The following SYT1 variants were observed in gnomAD, a reference collection of about 807,000 sequenced individuals.
The protein encoded by SYT1 is synaptotagmin-1.
Under a neutral mutation model 44.8 loss-of-function variants are expected in SYT1, and 8 were observed. That is an observed-to-expected ratio of 0.18 (90% CI 0.10 to 0.32). SYT1 has a LOEUF of 0.32. Ranked by LOEUF, SYT1 falls within the 10% of genes least tolerant of loss-of-function variation. The probability of loss-of-function intolerance (pLI) is 1.00; values close to 1 mark genes in which losing one functional copy is unlikely to be tolerated. For missense variants in SYT1, 286 were observed against 509.3 expected (o/e 0.56, Z 4.22); for synonymous variants, 154 against 188.8 (o/e 0.82, Z 1.51).
At chr12:79,164,398 A>T (rs1019296489) in intron 3 of SYT1, among the ~76,000 whole-genome samples, 1 of 152,106 alleles carries the variant, frequency 6.6e-6, no homozygotes, top group Admixed American at 6.6e-5. Flanking sequence ...AAATGTTGCA[A>T]GAAGTTGTGC....
chr12:79,108,689 TAAA>T (rs1168362848), intron 3 of SYT1, among the ~76,000 whole-genome samples: 1 of 152,108 alleles, frequency 6.6e-6, no homozygotes, highest in Non-Finnish European at 1.5e-5. Context: ...TTAAGGAAAA[TAAA>T]AAGTATTTCA....
chr12:79,036,662 A>C (rs1352045784), intron 2 of SYT1: 2 of 151,864 alleles, frequency 1.3e-5, no homozygotes, highest in Non-Finnish European at 2.9e-5. Flanking sequence ...TACAAAAACC[A>C]TAAATTACCT....
At chr12:79,336,088 C>G (rs1565913950) in intron 8 of SYT1, among the ~76,000 whole-genome samples, 1 of 152,212 alleles carries the variant, frequency 6.6e-6, no homozygotes, top group African/African-American at 2.4e-5. Flanking sequence ...GTGCCTACTG[C>G]TTTTTCTCCT....
chr12:79,292,480 T>C (rs1377911153), intron 6 of SYT1, among the ~76,000 whole-genome samples: 1 of 152,204 alleles, frequency 6.6e-6, no homozygotes, highest in Non-Finnish European at 1.5e-5. Flanking sequence ...CCTTGGACTT[T>C]ACAGATTTAG....
rs144252975 is a variant in SYT1, at chr12:79,355,706, G to A, written c.928+2087G>A. On this transcript the variant is annotated intron_variant, in intron 9 of 10. Transcript: ENST00000261205. Reference sequence around the variant, plus strand: ...TCTGCCTCTATTACTTGCTTAGGTCGTTTCCTTCACCTGGAATTCTCTTCC... The same window carrying A: ...TCTGCCTCTATTACTTGCTTAGGTCATTTCCTTCACCTGGAATTCTCTTCC... Among the ~76,000 whole-genome samples, 73 of 152,188 alleles carry A rather than the reference G, an allele frequency of 4.8e-4. 1 individual carries two copies. In the East Asian group the frequency reaches 9.9e-3, roughly 21 times the overall value.
chr12:79,406,368 T>C (rs1051868318), intron 9 of SYT1, among the ~76,000 whole-genome samples: 4 of 152,112 alleles, frequency 2.6e-5, no homozygotes, highest in Non-Finnish European at 5.9e-5. Context: ...AGGTCTGATT[T>C]CCACCTTATT....
chr12:79,081,946 T>C (rs1261771842), intron 3 of SYT1, among the ~76,000 whole-genome samples: 1 of 152,136 alleles, frequency 6.6e-6, no homozygotes, highest in Non-Finnish European at 1.5e-5. Flanking sequence ...TTTTCAAACC[T>C]GAAATAAATA....
intron 3 of SYT1, among the ~76,000 whole-genome samples, chr12:79,150,853 G>T (rs550952772): frequency 3.6e-4 from 55 of 152,282 alleles, no homozygotes; most frequent in African/African-American, 1.3e-3. Flanking sequence ...TTTCAGAGAA[G>T]AAAGGAGAAA....
intron 3 of SYT1, among the ~76,000 whole-genome samples, chr12:79,107,910 A>G (rs1224880708): frequency 6.6e-6 from 1 of 152,044 alleles, no homozygotes; most frequent in Admixed American, 6.5e-5. Context: ...AAAACTAAAT[A>G]AACAGAGAGA....
intron 2 of SYT1, among the ~76,000 whole-genome samples, chr12:79,024,949 T>A (rs1459548302): frequency 6.6e-6 from 1 of 151,854 alleles, no homozygotes; most frequent in Admixed American, 6.6e-5. Context: ...CTGCATTTAT[T>A]GTGACCTTTG....
At chr12:79,296,868 C>T (rs1277288879) in intron 7 of SYT1, among the ~76,000 whole-genome samples, 1 of 152,050 alleles carries the variant, frequency 6.6e-6, no homozygotes, top group African/African-American at 2.4e-5. Flanking sequence ...ACATGTCCTG[C>T]AGGTCTCCAG....
At chr12:79,224,506 GC>G (rs968333732) in intron 4 of SYT1, among the ~76,000 whole-genome samples, 16 of 151,956 alleles carry the variant, frequency 1.1e-4, no homozygotes, top group African/African-American at 3.6e-4. Flanking sequence ...TAGAACCAAG[GC>G]CCTTAGGTAA....
chr12:79,178,343 A>G (rs1403067037), intron 3 of SYT1, among the ~76,000 whole-genome samples: 2 of 151,972 alleles, frequency 1.3e-5, no homozygotes, highest in South Asian at 2.1e-4. Flanking sequence ...TTTGTAGTCC[A>G]TCACCATTAT....
chr12:79,070,311 C>A (rs754053040), intron 3 of SYT1, among the ~76,000 whole-genome samples: 1 of 152,126 alleles, frequency 6.6e-6, no homozygotes, highest in Admixed American at 6.6e-5. Context: ...CTTGAGAGAA[C>A]ATTTGCTCTT....
intron 4 of SYT1, among the ~76,000 whole-genome samples, chr12:79,226,770 AG>A: frequency 6.6e-6 from 1 of 152,190 alleles, no homozygotes; most frequent in Non-Finnish European, 1.5e-5. Context: ...AGTGTGTAAT[AG>A]TATGTATTTT....
At chr12:79,258,283 T>G (rs1222569253) in intron 4 of SYT1, among the ~76,000 whole-genome samples, 1 of 152,234 alleles carries the variant, frequency 6.6e-6, no homozygotes, top group Non-Finnish European at 1.5e-5. Flanking sequence ...TCTTATGTTT[T>G]TCTGACTTAA....
At chr12:79,312,301 G>A (rs1880846935) in intron 8 of SYT1, among the ~76,000 whole-genome samples, 1 of 152,160 alleles carries the variant, frequency 6.6e-6, no homozygotes, top group South Asian at 2.1e-4. Context: ...TTGATTGTCA[G>A]GGCCTGTATT....
At chr12:79,211,913 C>G (rs11113160) in intron 3 of SYT1, among the ~76,000 whole-genome samples, 107,432 of 151,934 alleles carry the variant, frequency 0.71, 38,511 homozygotes, top group African/African-American at 0.78. Flanking sequence ...GTACCCTCAC[C>G]TTCACTATCT....
At chr12:79,219,364 C>T (rs1198986057) in intron 4 of SYT1, among the ~76,000 whole-genome samples, 1 of 151,898 alleles carries the variant, frequency 6.6e-6, no homozygotes, top group South Asian at 2.1e-4. Flanking sequence ...TGATATAATC[C>T]CATTCGTCTA....
Sources: allele counts gnomAD v4.1 joint callset (sites outside exome capture counted in the v4.1 genomes callset), GRCh38; gene constraint gnomAD v4.1.1; transcripts MANE v1.5; gene names NCBI Gene and HGNC (gene_info 2026-07-23, HGNC 2026-07-21).